Variants in DLGAP2 observed in about 807,000 individuals in gnomAD.
DLGAP2 encodes DLG associated protein 2, also known as disks large-associated protein 2.
In DLGAP2, 26 loss-of-function variants were observed where a neutral mutation model predicts 100.3. That is an observed-to-expected ratio of 0.26 (90% CI 0.19 to 0.36). DLGAP2 has a LOEUF of 0.36. DLGAP2 is among the 10% of genes least tolerant of loss of function. The pLI is 1.00. For missense variants in DLGAP2, 1,858 were observed against 1,453.2 expected (o/e 1.28, Z -4.53); for synonymous variants, 886 against 630.1 (o/e 1.41, Z -6.08).
intron 2 of DLGAP2, among the ~76,000 whole-genome samples, chr8:1,220,929 T>C (rs988130524): frequency 6.6e-6 from 1 of 152,200 alleles, no homozygotes; most frequent in Non-Finnish European, 1.5e-5. Context: ...GCTCTTCCTC[T>C]TGTTTGTTTT....
At chr8:1,510,250 T>G (rs1800112361) in intron 4 of DLGAP2, among the ~76,000 whole-genome samples, 1 of 152,154 alleles carries the variant, frequency 6.6e-6, no homozygotes, top group South Asian at 2.1e-4. Context: ...AGCGATAACT[T>G]GCTGATGTGT....
chr8:936,861 A>G (rs1799083993), intron 2 of DLGAP2, among the ~76,000 whole-genome samples: 1 of 152,198 alleles, frequency 6.6e-6, no homozygotes, highest in African/African-American at 2.4e-5. Flanking sequence ...GAATGTTTCC[A>G]GCAGTGTAGG....
intron 3 of DLGAP2, among the ~76,000 whole-genome samples, chr8:1,409,070 C>G (rs148465034): frequency 6.6e-6 from 1 of 152,192 alleles, no homozygotes; most frequent in Non-Finnish European, 1.5e-5. Context: ...CCCTTCCTCA[C>G]TGTAGCAGGC....
At chr8:1,368,619 G>T (rs1214879499) in intron 3 of DLGAP2, 1 of 152,212 alleles carries the variant, frequency 6.6e-6, no homozygotes, top group Non-Finnish European at 1.5e-5. Context: ...AATCTTTCAA[G>T]ATGACTAAGA....
chr8:1,669,851 G>A, intron 10 of DLGAP2, 67 bp downstream of exon 10: 1 of 780,104 alleles, frequency 1.3e-6, no homozygotes, highest in Admixed American at 1.7e-5. Flanking sequence ...TTTTTTGGAT[G>A]TTCATGCGAC....
At chr8:1,302,889 G>T (rs7018060) in intron 3 of DLGAP2, among the ~76,000 whole-genome samples, 12 of 152,024 alleles carry the variant, frequency 7.9e-5, no homozygotes, top group Non-Finnish European at 1.3e-4. Flanking sequence ...TTTCCAAAAC[G>T]TCTGGCTGTA....
chr8:1,356,166 C>G lies in DLGAP2; in HGVS notation c.106+97283C>G, dbSNP rs1319241534. On this transcript the variant is annotated intron_variant, in intron 3 of 14. Transcript: ENST00000637795. ...TCACAGCCCCTGCATGGCTCTTGCC[C>G]TGTGGTTGATGCTGCTCTGTGGCCC... is the stretch of plus-strand genomic sequence containing the variant. 4.6e-5 allele frequency among the ~76,000 whole-genome samples: 7 copies of G among 152,190 alleles called. No homozygotes were observed. In the East Asian group the frequency reaches 1.4e-3, roughly 29 times the overall value.
chr8:1,540,229 T>C (rs1426858570), intron 4 of DLGAP2, among the ~76,000 whole-genome samples: 3 of 152,152 alleles, frequency 2.0e-5, no homozygotes, highest in African/African-American at 7.2e-5. Flanking sequence ...GCCCGAAACA[T>C]GGGGTGATGA....
intron 2 of DLGAP2, among the ~76,000 whole-genome samples, chr8:1,087,891 C>T (rs1452669902): frequency 6.6e-6 from 1 of 152,254 alleles, no homozygotes; most frequent in African/African-American, 2.4e-5. Context: ...TCCCTGTCTC[C>T]ACATCCATGT....
chr8:1,137,995 C>T (rs1348316424), intron 2 of DLGAP2, among the ~76,000 whole-genome samples: 2 of 152,144 alleles, frequency 1.3e-5, no homozygotes, highest in Non-Finnish European at 2.9e-5. Context: ...CCTCAGCCTC[C>T]CATCATGTAG....
chr8:1,326,720 A>G (rs1451672518), intron 3 of DLGAP2, among the ~76,000 whole-genome samples: 1 of 152,252 alleles, frequency 6.6e-6, no homozygotes, highest in Non-Finnish European at 1.5e-5. Context: ...TTTAAAGAAC[A>G]TGCTTGAACC....
At chr8:1,584,705 A>T (rs905644846) in intron 6 of DLGAP2, among the ~76,000 whole-genome samples, 3 of 152,124 alleles carry the variant, frequency 2.0e-5, no homozygotes, top group African/African-American at 7.2e-5. Flanking sequence ...GGCACTTGGC[A>T]CTTGCTCCTG....
At chr8:1,168,381 C>G (rs908922141) in intron 2 of DLGAP2, among the ~76,000 whole-genome samples, 17 of 151,904 alleles carry the variant, frequency 1.1e-4, no homozygotes, top group African/African-American at 3.9e-4. Context: ...ATTTATAGTC[C>G]TTTGGTATAT....
chr8:1,637,001 G>A lies in DLGAP2; in HGVS notation c.1810+3955G>A, dbSNP rs545643671. ...AACCCGGCCGATGGCTGCCGAGTGC[G>A]CAGCACCCCAGGTTGGAGGGAGGAG... is the stretch of plus-strand genomic sequence containing the variant. On this transcript the variant is annotated intron_variant, in intron 8 of 14. Coordinates refer to ENST00000637795, the MANE Select transcript of DLGAP2 (RefSeq NM_001346810.2). 1.3e-3 allele frequency among the ~76,000 whole-genome samples: 200 copies of A among 152,346 alleles called. 4 individuals carry two copies. The highest frequency in any genetic ancestry group is 0.012 in the Admixed American group (191 of 15,306).
intron 2 of DLGAP2, among the ~76,000 whole-genome samples, chr8:997,851 TACAC>T (rs1384086381): frequency 3.4e-5 from 5 of 146,084 alleles, no homozygotes; most frequent in East Asian, 1.9e-4. Context: ...TGTGCATACA[TACAC>T]ACATACACAC....
chr8:1,266,955 G>A (rs184966020), intron 3 of DLGAP2, among the ~76,000 whole-genome samples: 68 of 152,184 alleles, frequency 4.5e-4, no homozygotes, highest in East Asian at 3.1e-3. Flanking sequence ...TAAAAAGGGC[G>A]CGGTGGCTCA....
intron 2 of DLGAP2, among the ~76,000 whole-genome samples, chr8:1,172,798 A>C (rs1189162372): frequency 2.0e-5 from 3 of 152,058 alleles, no homozygotes; most frequent in South Asian, 4.1e-4. Context: ...AATTTTTTTC[A>C]AAGTTTTTAA....
intron 2 of DLGAP2, among the ~76,000 whole-genome samples, chr8:995,872 G>C (rs1162294374): frequency 6.6e-6 from 1 of 152,154 alleles, no homozygotes; most frequent in South Asian, 2.1e-4. Flanking sequence ...TTAAGCTTAT[G>C]GCTTCACAGG....
At chr8:1,273,654 C>T in intron 3 of DLGAP2, among the ~76,000 whole-genome samples, 1 of 152,218 alleles carries the variant, frequency 6.6e-6, no homozygotes, top group East Asian at 1.9e-4. Context: ...GAGTTTACTG[C>T]AGGCATATTT....
Sources: allele counts gnomAD v4.1 joint callset (sites outside exome capture counted in the v4.1 genomes callset), GRCh38; gene constraint gnomAD v4.1.1; transcripts MANE v1.5; gene names NCBI Gene and HGNC (gene_info 2026-07-23, HGNC 2026-07-21).